Variants in PALS1 observed in about 807,000 individuals in gnomAD.
The protein encoded by PALS1 is protein PALS1.
In PALS1, 31 loss-of-function variants were observed where a neutral mutation model predicts 78.9. The observed-to-expected ratio is 0.39, with a 90% confidence interval of 0.30 to 0.53. The LOEUF (loss-of-function observed/expected upper bound fraction) is 0.53, where lower values mean the gene tolerates loss of function less well. PALS1 is among the 20% of genes least tolerant of loss of function. The probability of loss-of-function intolerance (pLI) is 0.67; values close to 1 mark genes in which losing one functional copy is unlikely to be tolerated. For synonymous variants in PALS1, 276 were observed against 270.9 expected (o/e 1.02, Z -0.18); for missense variants, 704 against 826.5 (o/e 0.85, Z 1.82).
intron 4 of PALS1, among the ~76,000 whole-genome samples, chr14:67,301,137 A>G (rs1224224626): frequency 6.6e-6 from 1 of 152,104 alleles, no homozygotes; most frequent in African/African-American, 2.4e-5. Flanking sequence ...TGTTGGGTGA[A>G]ACGTTCAAGA....
chr14:67,316,702 G>A (rs2140972386), intron 9 of PALS1, 130 bp from the exon 10 acceptor site: 1 of 645,052 alleles, frequency 1.6e-6, no homozygotes, highest in African/African-American at 1.8e-5. Context: ...TTACTCCTGT[G>A]TTGGCAAAAG....
intron 5 of PALS1, 103 bp from the exon 6 acceptor site, chr14:67,301,869 T>C (rs1283476912): frequency 3.2e-6 from 4 of 1,262,346 alleles, no homozygotes; most frequent in East Asian, 2.6e-5. Flanking sequence ...TTATAACACT[T>C]TTAAAGATTT....
intron 13 of PALS1, 105 bp downstream of exon 13, chr14:67,321,364 G>A: frequency 9.8e-7 from 1 of 1,016,016 alleles, no homozygotes; most frequent in Non-Finnish European, 1.5e-6. Flanking sequence ...ACCTAATTAA[G>A]TTCTCATACG....
At chr14:67,249,195 C>T (rs1307810889) in intron 1 of PALS1, among the ~76,000 whole-genome samples, 2 of 152,128 alleles carry the variant, frequency 1.3e-5, no homozygotes, top group South Asian at 2.1e-4. Context: ...CTCCTGACCT[C>T]AGGTGATTTG....
At chr14:67,283,255 T>C (rs1386255889) in intron 3 of PALS1, among the ~76,000 whole-genome samples, 1 of 152,222 alleles carries the variant, frequency 6.6e-6, no homozygotes, top group Non-Finnish European at 1.5e-5. Context: ...TCTTAATTAG[T>C]GTCTGCATAT....
intron 14 of PALS1, among the ~76,000 whole-genome samples, chr14:67,324,668 G>T (rs890256237): frequency 6.6e-6 from 1 of 151,386 alleles, no homozygotes; most frequent in South Asian, 2.1e-4. Context: ...CACTGCAGGC[G>T]CAGACTCTGG....
chr14:67,330,004 G>A (rs909154258), intron 14 of PALS1, among the ~76,000 whole-genome samples: 5 of 151,146 alleles, frequency 3.3e-5, no homozygotes, highest in Non-Finnish European at 4.4e-5. Context: ...GCATAAAGAT[G>A]TGATTTTTTT....
intron 2 of PALS1, among the ~76,000 whole-genome samples, chr14:67,275,076 T>C (rs1368327641): frequency 6.6e-6 from 1 of 152,238 alleles, no homozygotes; most frequent in Non-Finnish European, 1.5e-5. Flanking sequence ...CAGGGACAAT[T>C]TGACTTCCTC....
chr14:67,319,610 TAAA>T (rs11366985), intron 11 of PALS1, among the ~76,000 whole-genome samples: 31 of 128,600 alleles, frequency 2.4e-4, no homozygotes, highest in Non-Finnish European at 2.8e-4. Context: ...GCTGATGAGC[TAAA>T]AAAAAAAAAA....
At position 67,333,773 on chromosome 14, in the gene PALS1, C is replaced by T. The variant is rs1255759625; in HGVS notation, c.*817C>T. ...GCATAGTATAATAGAATGTATGTTACATTTTTATGAATGGCAGGTGTTCAT... is the reference window on the plus strand; with the variant it reads ...GCATAGTATAATAGAATGTATGTTATATTTTTATGAATGGCAGGTGTTCAT... On this transcript the variant is annotated 3_prime_UTR_variant, in exon 15 of 15. Transcript: ENST00000261681. The T allele has an allele frequency of 6.6e-6, 1 of 152,520 alleles. No individual in the cohort carries two copies. The highest frequency in any genetic ancestry group is 6.6e-5 in the Admixed American group (1 of 15,256). 9.4% of individuals were successfully genotyped at this position (152,520 alleles called of 1,614,324 possible). A position where few individuals can be genotyped will look rare whatever the true frequency, so the allele number is the denominator to read the frequency against.
chr14:67,292,741 T>C (rs1338485743), intron 4 of PALS1, 22 bp downstream of exon 4: 1 of 1,580,172 alleles, frequency 6.3e-7, no homozygotes, highest in Non-Finnish European at 8.7e-7. Flanking sequence ...AAACATCTTG[T>C]TGATGTCTAC....
chr14:67,275,124 C>A (rs1312900363), intron 2 of PALS1, among the ~76,000 whole-genome samples: 1 of 152,072 alleles, frequency 6.6e-6, no homozygotes, highest in Non-Finnish European at 1.5e-5. Context: ...TTTCTCCTGC[C>A]CGATTGCCTT....
At chr14:67,305,036 G>GT (rs1437151225) in intron 8 of PALS1, among the ~76,000 whole-genome samples, 4 of 151,996 alleles carry the variant, frequency 2.6e-5, no homozygotes, top group Non-Finnish European at 5.9e-5. Flanking sequence ...TATGTTTACA[G>GT]TTTTTTTGCA....
chr14:67,293,615 T>TA (rs2084804407), intron 4 of PALS1, among the ~76,000 whole-genome samples: 1 of 152,174 alleles, frequency 6.6e-6, no homozygotes, highest in Admixed American at 6.5e-5. Flanking sequence ...TTACTTTTCT[T>TA]ACGGAGATTG....
At chr14:67,282,418 CA>C (rs1327524152) in intron 3 of PALS1, among the ~76,000 whole-genome samples, 2 of 152,078 alleles carry the variant, frequency 1.3e-5, no homozygotes, top group African/African-American at 4.8e-5. Context: ...AGTTTCTAAA[CA>C]ATACATCATC....
chr14:67,320,310 T>A lies in PALS1; in HGVS notation c.1450T>A (p.Leu484Met). 6.2e-7 allele frequency: 1 copy of A among 1,613,830 alleles called. No individual in the cohort carries two copies. Residue 484 changes from leucine (L) to methionine (M), a missense_variant, in exon 12 of 15, where the codon TTG becomes ATG. Physicochemically the swap from Leu to Met is conservative, Grantham distance 15. Transcript: ENST00000261681. The stretch of plus-strand genomic sequence containing the variant: ...AGCAAATAGGAAGAGACCTATCATC[T>A]TGATTGGTCCACAGAACTGTGGCCA... ...QPANRKRPIILIGPQNCGQNE... is the reference protein window; with the variant it reads ...QPANRKRPIIMIGPQNCGQNE...
chr14:67,243,649 C>T (rs375050852), intron 1 of PALS1, among the ~76,000 whole-genome samples: 34 of 151,784 alleles, frequency 2.2e-4, no homozygotes, highest in Non-Finnish European at 4.1e-4. Context: ...CCCGCCACCA[C>T]GCCTGCTAAT....
chr14:67,289,491 G>A (rs1168131286), intron 3 of PALS1, among the ~76,000 whole-genome samples: 1 of 151,976 alleles, frequency 6.6e-6, no homozygotes, highest in Non-Finnish European at 1.5e-5. Flanking sequence ...GGAGGTCTTG[G>A]AACCAATCTC....
intron 9 of PALS1, among the ~76,000 whole-genome samples, chr14:67,315,754 GC>G (rs1320799758): frequency 6.6e-6 from 1 of 152,130 alleles, no homozygotes; most frequent in African/African-American, 2.4e-5. Flanking sequence ...GTGAAACCGA[GC>G]CTCTACTAAA....
Sources: gnomAD v4.1 joint callset for allele counts (sites outside exome capture counted in the v4.1 genomes callset) on GRCh38, gnomAD v4.1.1 for gene constraint, MANE v1.5 for transcripts, NCBI Gene and HGNC (gene_info 2026-07-23, HGNC 2026-07-21) for gene names.